Variants in ZSCAN25 observed in about 807,000 individuals in gnomAD.
The protein encoded by ZSCAN25 is zinc finger and SCAN domain-containing protein 25.
In ZSCAN25, 27 loss-of-function variants were observed where a neutral mutation model predicts 38.7. The ratio of observed to expected loss-of-function variants is 0.70; its 90% CI spans 0.51 to 0.96. ZSCAN25 has a LOEUF of 0.96. Among genes scored for constraint, ZSCAN25 ranks in the 40% least tolerant of loss-of-function variants. The probability of loss-of-function intolerance (pLI) is 0.00; values close to 1 mark genes in which losing one functional copy is unlikely to be tolerated. For missense variants in ZSCAN25, 637 were observed against 705.9 expected (o/e 0.90, Z 1.11); for synonymous variants, 273 against 277.7 (o/e 0.98, Z 0.17).
chr7:99,735,057 G>T, the ZSCAN25 span: 3 of 1,614,112 alleles, frequency 1.9e-6, no homozygotes, highest in Non-Finnish European at 2.5e-6. Context: ...GCCAGGAGAA[G>T]CCAGGTTTCC....
the ZSCAN25 span, among the ~76,000 whole-genome samples, chr7:99,640,365 T>G: frequency 6.6e-6 from 1 of 152,102 alleles, no homozygotes; most frequent in East Asian, 1.9e-4. Context: ...ACCATGTTGG[T>G]CAGGCTGGTC....
chr7:99,716,740 C>A, the ZSCAN25 span, among the ~76,000 whole-genome samples: 2 of 152,030 alleles, frequency 1.3e-5, no homozygotes, highest in South Asian at 2.1e-4. Flanking sequence ...TCTACTGATA[C>A]CCTCAGAAAA....
At chr7:99,737,933 C>G in the ZSCAN25 span, among the ~76,000 whole-genome samples, 1 of 152,232 alleles carries the variant, frequency 6.6e-6, no homozygotes, top group African/African-American at 2.4e-5. Context: ...GAGAGCTGCA[C>G]TGACTGTGTC....
At chr7:99,710,992 G>GA in the ZSCAN25 span, 7 of 1,580,250 alleles carry the variant, frequency 4.4e-6, no homozygotes, top group African/African-American at 5.4e-5. Context: ...ATCCCCAGGG[G>GA]AAAAAATAGA....
chr7:99,635,645 A>C (rs1808244293), downstream of ZSCAN25, among the ~76,000 whole-genome samples: 1 of 152,218 alleles, frequency 6.6e-6, no homozygotes. Context: ...ACATTCAATA[A>C]TAGCAATCAC....
chr7:99,687,060 A>G, the ZSCAN25 span, among the ~76,000 whole-genome samples: 1 of 150,934 alleles, frequency 6.6e-6, no homozygotes, highest in African/African-American at 2.4e-5. Context: ...AGATAAAACC[A>G]CAAAGATGGG....
the ZSCAN25 span, among the ~76,000 whole-genome samples, chr7:99,667,627 A>T: frequency 3.3e-5 from 5 of 152,254 alleles, no homozygotes; most frequent in Non-Finnish European, 7.3e-5. Context: ...CATAAATAGA[A>T]GGAAAAAGAA....
At chr7:99,715,684 A>C in the ZSCAN25 span, 1 of 1,607,580 alleles carries the variant, frequency 6.2e-7, no homozygotes, top group Non-Finnish European at 8.5e-7. Context: ...GATGAATTAC[A>C]TGGTGATTTA....
chr7:99,638,368 TGTG>T, the ZSCAN25 span: 2 of 1,601,016 alleles, frequency 1.2e-6, no homozygotes, highest in Non-Finnish European at 1.7e-6. Context: ...TCCTGGATCT[TGTG>T]GGGTTTCATG....
the ZSCAN25 span, chr7:99,685,129 C>T: frequency 6.4e-7 from 1 of 1,568,044 alleles, no homozygotes; most frequent in Non-Finnish European, 8.8e-7. Context: ...AGCAGAAGTC[C>T]TTAGGGAAAT....
the ZSCAN25 span, chr7:99,660,419 A>G: frequency 2.7e-6 from 4 of 1,495,824 alleles, no homozygotes; most frequent in East Asian, 9.5e-5. Context: ...TTTTTATAAA[A>G]ATTCTCCTGG....
the ZSCAN25 span, among the ~76,000 whole-genome samples, chr7:99,692,011 A>G: frequency 6.6e-6 from 1 of 152,156 alleles, no homozygotes; most frequent in African/African-American, 2.4e-5. Context: ...ACCATTTGGC[A>G]TGTTTTTGCA....
At chr7:99,663,813 A>G in the ZSCAN25 span, 4 of 1,339,986 alleles carry the variant, frequency 3.0e-6, no homozygotes, top group Non-Finnish European at 3.8e-6. Flanking sequence ...TCCTTCCCCA[A>G]TCTCCTTCTT....
At chr7:99,618,364 T>C (rs1389273289) in intron 1 of ZSCAN25, among the ~76,000 whole-genome samples, 161 bp from the exon 2 acceptor site, 3 of 152,080 alleles carry the variant, frequency 2.0e-5, no homozygotes, top group Non-Finnish European at 2.9e-5. Context: ...CTTTTTTTTC[T>C]TCTGAGAAGT....
the ZSCAN25 span, among the ~76,000 whole-genome samples, chr7:99,694,984 T>TAAAA: frequency 5.3e-4 from 79 of 150,190 alleles, no homozygotes; most frequent in African/African-American, 1.8e-3. Flanking sequence ...TGCCTTTGTT[T>TAAAA]AAAAAAAAAA....
chr7:99,678,866 A>G, the ZSCAN25 span, among the ~76,000 whole-genome samples: 111 of 152,314 alleles, frequency 7.3e-4, no homozygotes, highest in African/African-American at 2.6e-3. Context: ...AGTTAATGGG[A>G]CAGGTGGAGC....
At chr7:99,695,812 A>T in the ZSCAN25 span, 2 of 1,613,768 alleles carry the variant, frequency 1.2e-6, no homozygotes, top group South Asian at 2.2e-5. Context: ...CAAGCTTCTT[A>T]AAAAGTCCAT....
the ZSCAN25 span, chr7:99,735,081 G>A: frequency 1.2e-6 from 2 of 1,614,022 alleles, no homozygotes; most frequent in East Asian, 2.2e-5. Context: ...GCCAAGTTTG[G>A]GATGAGATCC....
the ZSCAN25 span, among the ~76,000 whole-genome samples, chr7:99,650,975 T>G: frequency 0.086 from 13,162 of 152,278 alleles, 1,078 homozygotes; most frequent in South Asian, 0.26. Flanking sequence ...TTTGATTATA[T>G]TAAGGAAAAA....
Sources: gnomAD v4.1 joint callset for allele counts (sites outside exome capture counted in the v4.1 genomes callset) on GRCh38, gnomAD v4.1.1 for gene constraint, MANE v1.5 for transcripts, NCBI Gene and HGNC (gene_info 2026-07-23, HGNC 2026-07-21) for gene names.